The following CHM variants were observed in gnomAD, a reference collection of about 807,000 sequenced individuals.
The protein encoded by CHM is rab proteins geranylgeranyltransferase component A 1.
Under a neutral mutation model 49.0 loss-of-function variants are expected in CHM, and 10 were observed. The ratio of observed to expected loss-of-function variants is 0.20; its 90% CI spans 0.13 to 0.35. The LOEUF is 0.35. CHM is among the 10% of genes least tolerant of loss of function. The pLI is 1.00. For missense variants in CHM, 455 were observed against 478.4 expected (o/e 0.95, Z 0.46); for synonymous variants, 184 against 167.5 (o/e 1.10, Z -0.76).
chrX:85,910,580 A>G (rs1326951115), intron 9 of CHM, among the ~76,000 whole-genome samples: 3 of 111,763 alleles, frequency 2.7e-5, no homozygotes, highest in Non-Finnish European at 3.8e-5. Flanking sequence ...GATGGTGTTC[A>G]GCTCTTTTAA....
chrX:85,952,490 AG>A (rs1280843892), intron 8 of CHM, among the ~76,000 whole-genome samples: 1 of 111,564 alleles, frequency 9.0e-6, no homozygotes, highest in Admixed American at 9.5e-5. Context: ...TTGCCTTCAA[AG>A]GAAGGACCCA....
Position 85,981,820 on chromosome X carries a change from TAAAAA to T in CHM, c.117-16_117-12del. ...CCATAGTAGCTTCTTCTGTAACAATTAAAAAAAAAAAAAAAAGTAAAGAAAATGGT... is the reference window on the plus strand; with the variant it reads ...CCATAGTAGCTTCTTCTGTAACAATTAAAAAAAAAAAGTAAAGAAAATGGT... On this transcript the variant is annotated splice_polypyrimidine_tract_variant and intron_variant, in intron 2 of 14. Transcript: ENST00000357749. 3.2e-6 allele frequency: 3 copies of T among 949,805 alleles called. No individual in the cohort carries two copies. The highest frequency in any genetic ancestry group is 4.2e-6 in the Non-Finnish European group (3 of 709,288). The allele number at this position is 949,805 out of a possible 1,213,427, so 78.3% of individuals were successfully genotyped here. A position where few individuals can be genotyped will look rare whatever the true frequency, so the allele number is the denominator to read the frequency against.
At chrX:85,872,361 T>C (rs1924130005) in intron 14 of CHM, among the ~76,000 whole-genome samples, 1 of 112,057 alleles carries the variant, frequency 8.9e-6, no homozygotes. Flanking sequence ...CAAAGAAGTA[T>C]ATTTATATAT....
chrX:85,968,641 T>A (rs1366209179), intron 4 of CHM, among the ~76,000 whole-genome samples: 4 of 112,249 alleles, frequency 3.6e-5, no homozygotes, highest in African/African-American at 1.3e-4. Context: ...GACTTTCCAG[T>A]AAAATAAAAA....
At chrX:86,031,804 C>T (rs1934057843) in intron 1 of CHM, among the ~76,000 whole-genome samples, 1 of 111,064 alleles carries the variant, frequency 9.0e-6, no homozygotes, top group Admixed American at 9.5e-5. Flanking sequence ...CGCACCATTG[C>T]ACTCCAGCCT....
intron 2 of CHM, among the ~76,000 whole-genome samples, chrX:86,026,097 A>ATTTTTTTTTTTTTTTTTTTTTT (rs1398285252): frequency 3.3e-5 from 1 of 30,483 alleles, no homozygotes; most frequent in South Asian, 2.3e-3. Flanking sequence ...AAGGTAGCAG[A>ATTTTTTTTTTTTTTTTTTTTTT]TTTTCTTTTT....
At position 86,017,645 on chromosome X, in the gene CHM, C is replaced by T. The variant is rs374586455; in HGVS notation, c.116+9846G>A. Among the ~76,000 whole-genome samples, 43 of 111,601 alleles carry T rather than the reference C, an allele frequency of 3.9e-4. No individual in the cohort carries two copies. The East Asian group carries it at 0.012, about 30-fold the overall frequency. On this transcript the variant is annotated intron_variant, in intron 2 of 14. Transcript: ENST00000357749. The stretch of plus-strand genomic sequence containing the variant: ...AATTAAACCTCTTTTTCTTCCCAGT[C>T]TCAGGTATGTCTTTATCAGCAGTGT...
At chrX:86,012,894 T>C (rs147622270) in intron 2 of CHM, among the ~76,000 whole-genome samples, 213 of 111,075 alleles carry the variant, frequency 1.9e-3, no homozygotes, top group East Asian at 0.017. Flanking sequence ...AAGCTAGAAG[T>C]CAAATCCACA....
rs5968764 is a variant in CHM, at chrX:85,978,507, A to G, written c.314+260T>C. ...AACTATTAATACTACTATCTGCCCT[A>G]CCCTAGCAAAGAATTGTTTTAATGA... On this transcript the variant is annotated intron_variant, in intron 4 of 14. Coordinates refer to ENST00000357749, the MANE Select transcript of CHM (RefSeq NM_000390.4). 0.19 allele frequency: 48,355 copies of G among 251,292 alleles called. 3,980 individuals carry two copies. The highest frequency in any genetic ancestry group is 0.25 in the Non-Finnish European group (34,551 of 135,981). 20.7% of individuals were successfully genotyped at this position (251,292 alleles called of 1,213,427 possible). A position where few individuals can be genotyped will look rare whatever the true frequency, so the allele number is the denominator to read the frequency against.
chrX:86,035,787 A>ATTT (rs1172786407), intron 1 of CHM, among the ~76,000 whole-genome samples: 20 of 76,760 alleles, frequency 2.6e-4, no homozygotes, highest in Admixed American at 4.6e-4. Flanking sequence ...AAAAGAGTTC[A>ATTT]TTTTTTTTTT....
chrX:85,875,672 C>A (rs1401846085), intron 13 of CHM, among the ~76,000 whole-genome samples: 1 of 111,584 alleles, frequency 9.0e-6, no homozygotes, highest in Non-Finnish European at 1.9e-5. Context: ...CACAGCCCAA[C>A]AATTACTTAA....
chrX:86,042,506 GA>G (rs1046056708), intron 1 of CHM, among the ~76,000 whole-genome samples: 1 of 110,129 alleles, frequency 9.1e-6, no homozygotes, highest in African/African-American at 3.3e-5. Flanking sequence ...CAAGTGTGGG[GA>G]GATGCCACAC....
chrX:85,980,353 A>G (rs1931524826), intron 3 of CHM, among the ~76,000 whole-genome samples: 2 of 112,233 alleles, frequency 1.8e-5, no homozygotes, highest in South Asian at 7.4e-4. Context: ...CTTGACTTAC[A>G]CAGTTTGAAT....
chrX:86,043,089 T>G (rs1323161861), intron 1 of CHM, among the ~76,000 whole-genome samples: 2 of 112,142 alleles, frequency 1.8e-5, no homozygotes, highest in East Asian at 5.6e-4. Context: ...GAATTTAGCC[T>G]TTTCTCAAGG....
At chrX:85,886,142 G>T (rs952820783) in intron 12 of CHM, among the ~76,000 whole-genome samples, 1 of 110,445 alleles carries the variant, frequency 9.1e-6, no homozygotes, top group African/African-American at 3.3e-5. Flanking sequence ...CTTCCACCAA[G>T]AATTCTATTT....
chrX:85,952,539 T>C (rs1297508031), intron 8 of CHM, among the ~76,000 whole-genome samples: 1 of 112,006 alleles, frequency 8.9e-6, no homozygotes, highest in African/African-American at 3.2e-5. Flanking sequence ...TTAAAAGCCC[T>C]TGGCTACAAA....
intron 12 of CHM, among the ~76,000 whole-genome samples, chrX:85,879,550 T>C (rs1488877557): frequency 8.9e-6 from 1 of 111,987 alleles, no homozygotes; most frequent in Non-Finnish European, 1.9e-5. Context: ...TAAAACAGTC[T>C]ATAATATTTT....
chrX:85,978,589 A>C, intron 4 of CHM, 178 bp downstream of exon 4: 1 of 368,314 alleles, frequency 2.7e-6, no homozygotes, highest in South Asian at 3.5e-5. Flanking sequence ...TTAAGGTAAA[A>C]TGTTATCATT....
intron 12 of CHM, among the ~76,000 whole-genome samples, chrX:85,891,941 T>C (rs1439705682): frequency 1.8e-5 from 2 of 112,059 alleles, no homozygotes; most frequent in African/African-American, 6.5e-5. Context: ...CTTGTATCAG[T>C]GTGACCTGGA....
Sources: gnomAD v4.1 joint callset for allele counts (sites outside exome capture counted in the v4.1 genomes callset) on GRCh38, gnomAD v4.1.1 for gene constraint, MANE v1.5 for transcripts, NCBI Gene and HGNC (gene_info 2026-07-23, HGNC 2026-07-21) for gene names.